CRAMP1: variants seen among roughly 807,000 people sequenced by gnomAD.
CRAMP1 encodes protein cramped-like.
A neutral mutation model predicts 115.4 loss-of-function variants in CRAMP1; 50 were observed. The observed-to-expected ratio is 0.43, with a 90% CI of 0.35 to 0.55. CRAMP1 has a LOEUF of 0.55. CRAMP1 is among the 20% of genes least tolerant of loss of function. The pLI is 0.01. For synonymous variants in CRAMP1, 866 were observed against 745.4 expected (o/e 1.16, Z -2.64); for missense variants, 1,679 against 1,721.7 (o/e 0.98, Z 0.44).
At chr16:1,628,243 G>A (rs1567448811) in intron 3 of CRAMP1, among the ~76,000 whole-genome samples, 1 of 152,208 alleles carries the variant, frequency 6.6e-6, no homozygotes, top group Admixed American at 6.5e-5. Context: ...GCGAGGGCAA[G>A]AGAAAGGACT....
At chr16:1,664,446 A>G (rs2036857333) in intron 13 of CRAMP1, among the ~76,000 whole-genome samples, 1 of 152,190 alleles carries the variant, frequency 6.6e-6, no homozygotes. Flanking sequence ...TTGTATAACT[A>G]GTTGCATTCC....
intron 6 of CRAMP1, among the ~76,000 whole-genome samples, chr16:1,642,945 C>A (rs930707575): frequency 6.6e-6 from 1 of 152,164 alleles, no homozygotes; most frequent in South Asian, 2.1e-4. Context: ...GCGCCATCCG[C>A]GGGAGAACTT....
In CRAMP1 at chr16:1,656,805, C is replaced by A; in HGVS notation, c.2048C>A (p.Ser683Tyr). 6.5e-7 allele frequency: 1 copy of A among 1,548,854 alleles called. No homozygotes were observed. The highest frequency in any genetic ancestry group is 1.2e-5 in the South Asian group (1 of 83,970). Residue 683 changes from serine to tyrosine, a missense_variant, in exon 10 of 21, where the codon TCC becomes TAC. Ser to Tyr is a moderately radical substitution (Grantham distance 144, BLOSUM62 -2). Coordinates refer to ENST00000397412, the MANE Select transcript of CRAMP1 (RefSeq NM_020825.4). This position sits in a 1 kb window ranked among gnomAD's most constrained non-coding sequence, Gnocchi z 5.6. ...LREEGWNLQTSESLTLAEVYL... is the reference protein window; with the variant it reads ...LREEGWNLQTYESLTLAEVYL... Reference sequence around the variant, plus strand: ...GAGGAGGGCTGGAACCTGCAGACCTCCGAAAGCCTCACGCTGGCCGAAGTC... The same window carrying A: ...GAGGAGGGCTGGAACCTGCAGACCTACGAAAGCCTCACGCTGGCCGAAGTC...
intron 4 of CRAMP1, among the ~76,000 whole-genome samples, chr16:1,637,303 A>G (rs1826430062): frequency 7.0e-6 from 1 of 142,330 alleles, no homozygotes; most frequent in African/African-American, 2.6e-5. Flanking sequence ...CCAAGAAAAG[A>G]AAAAAAAAAA....
chr16:1,653,793 C>A, intron 8 of CRAMP1, among the ~76,000 whole-genome samples: 1 of 147,538 alleles, frequency 6.8e-6, no homozygotes, highest in African/African-American at 2.5e-5. Flanking sequence ...TGCACTCCAG[C>A]CTGGGTGATA....
At position 1,669,490 on chromosome 16, in the gene CRAMP1, T is replaced by G. The variant is rs960715274; in HGVS notation, c.3499+325T>G. On this transcript the variant is annotated intron_variant, in intron 19 of 20. Transcript: ENST00000397412. The surrounding 1 kb of genome is among the most constrained non-coding windows in gnomAD (Gnocchi z 4.6). ...CAGTCTGTTCAGCTAGCCCGGCCCC[T>G]CCCGACTGGGTTCTCTTGAGGGGAG... 1.3e-5 allele frequency among the ~76,000 whole-genome samples: 2 copies of G among 152,154 alleles called. No individual in the cohort carries two copies. Among genetic ancestry groups the G allele is most frequent in the Non-Finnish European group, 2.9e-5 (2 of 68,028 alleles).
chr16:1,662,075 C>T (rs979726019), intron 11 of CRAMP1, among the ~76,000 whole-genome samples: 49 of 152,322 alleles, frequency 3.2e-4, no homozygotes, highest in African/African-American at 1.0e-3. Flanking sequence ...CTATTGTGCA[C>T]GGCTGAGTTG....
rs1014733161 is a variant in CRAMP1 at position 1,666,833 on chromosome 16, A to G, written c.3036+233A>G. Among the ~76,000 whole-genome samples the G allele has an allele frequency of 1.3e-5, 2 of 152,254 alleles. No individual in the cohort carries two copies. Among genetic ancestry groups the G allele is most frequent in the African/African-American group, 2.4e-5 (1 of 41,470 alleles). ...ATGTGGCACTGGAGAACTCAGAGCT[A>G]AGACGGTGTGGAAACATAGCTCCAT... is the stretch of plus-strand genomic sequence containing the variant. On this transcript the variant is annotated intron_variant, in intron 16 of 20. Coordinates refer to ENST00000397412, the MANE Select transcript of CRAMP1 (RefSeq NM_020825.4). This position sits in a 1 kb window ranked among gnomAD's most constrained non-coding sequence, Gnocchi z 5.0.
At chr16:1,630,339 A>T (rs370992924) in intron 3 of CRAMP1, among the ~76,000 whole-genome samples, 27 of 151,706 alleles carry the variant, frequency 1.8e-4, no homozygotes, top group African/African-American at 3.6e-4. Context: ...TTTTGTGGAG[A>T]TGGGGTTTCA....
intron 6 of CRAMP1, among the ~76,000 whole-genome samples, chr16:1,642,133 C>A (rs1425548917): frequency 1.3e-5 from 2 of 152,222 alleles, no homozygotes; most frequent in Non-Finnish European, 2.9e-5. Flanking sequence ...TGTGGGTATG[C>A]CACCCGCACC....
chr16:1,666,028 T>C lies in CRAMP1; in HGVS notation c.2753-45T>C, dbSNP rs2036872456. ...GCGGCCACATCCTGCTGTGAGGGCA[T>C]GGCGGGCGGGCTCGACATGTCTGCT... On this transcript the variant is annotated intron_variant, in intron 14 of 20. Coordinates refer to ENST00000397412, the MANE Select transcript of CRAMP1 (RefSeq NM_020825.4). This position sits in a 1 kb window ranked among gnomAD's most constrained non-coding sequence, Gnocchi z 5.0. 7.5e-7 allele frequency: 1 copy of C among 1,330,488 alleles called. No individual in the cohort carries two copies. 82.4% of individuals were successfully genotyped at this position (1,330,488 alleles called of 1,614,324 possible).
chr16:1,622,972 A>G (rs1406010877), intron 2 of CRAMP1, among the ~76,000 whole-genome samples: 1 of 151,672 alleles, frequency 6.6e-6, no homozygotes, highest in African/African-American at 2.4e-5. Context: ...CATTGGCCAG[A>G]CTGATCTCGA....
At chr16:1,635,704 CTTTTAAAGCATACAACTTA>C (rs926080396) in intron 4 of CRAMP1, among the ~76,000 whole-genome samples, 2 of 152,194 alleles carry the variant, frequency 1.3e-5, no homozygotes, top group Non-Finnish European at 2.9e-5. Flanking sequence ...ATTATTCACC[CTTTTAAAGCATACAACTTA>C]GTGGTTCTTA....
At position 1,656,455 on chromosome 16, in the gene CRAMP1, G is replaced by C. The variant is rs779490530; in HGVS notation, c.1698G>C (p.Lys566Asn). The change falls in exon 10 of 21, where the codon AAG (lysine) becomes AAC (asparagine). Residue 566 changes from lysine (K) to asparagine (N), a missense_variant. By Grantham distance (94) the Lys-to-Asn change is moderately conservative (BLOSUM62 0). This residue lies in a region of CRAMP1 where 405 missense variants were observed against 302.6 expected (regional missense o/e 1.34). Coordinates refer to ENST00000397412, the MANE Select transcript of CRAMP1 (RefSeq NM_020825.4). This position sits in a 1 kb window ranked among gnomAD's most constrained non-coding sequence, Gnocchi z 5.6. Reference sequence around the variant, plus strand: ...TAGACCCCTTGCCCCGCTACCTAAAGTCCTGTCAGGACCTCATTGTCCCCG... The same window carrying C: ...TAGACCCCTTGCCCCGCTACCTAAACTCCTGTCAGGACCTCATTGTCCCCG... The part of the protein sequence containing the change: ...SLLDPLPRYL[K>N]SCQDLIVPEQ... 3 of 1,582,222 alleles carry C rather than the reference G, an allele frequency of 1.9e-6. No individual in the cohort carries two copies. Among genetic ancestry groups the C allele is most frequent in the Non-Finnish European group, 2.6e-6 (3 of 1,164,922 alleles).
Position 1,656,559 on chromosome 16 carries a change from C to G in CRAMP1, c.1802C>G (p.Ala601Gly). 2 of 1,556,772 alleles carry G rather than the reference C, an allele frequency of 1.3e-6. No individual in the cohort carries two copies. Among genetic ancestry groups the G allele is most frequent in the Non-Finnish European group, 1.7e-6 (2 of 1,150,594 alleles). The change falls in exon 10 of 21, where the codon GCT becomes GGT. Residue 601 changes from alanine (A) to glycine (G), a missense_variant. Coordinates refer to ENST00000397412, the MANE Select transcript of CRAMP1 (RefSeq NM_020825.4). This position sits in a 1 kb window ranked among gnomAD's most constrained non-coding sequence, Gnocchi z 5.6. ...LGGAASPEVL[A>G]PVSKEAADLA... ...GGGGCGGCCTCCCCAGAGGTGCTGGCTCCTGTCAGCAAGGAGGCTGCTGAC... is the reference window on the plus strand; with the variant it reads ...GGGGCGGCCTCCCCAGAGGTGCTGGGTCCTGTCAGCAAGGAGGCTGCTGAC...
intron 4 of CRAMP1, among the ~76,000 whole-genome samples, chr16:1,636,784 C>T (rs1422026418): frequency 6.6e-6 from 1 of 152,222 alleles, no homozygotes; most frequent in Non-Finnish European, 1.5e-5. Context: ...AGGCTGGCGC[C>T]CAGGGCAGGC....
intron 9 of CRAMP1, among the ~76,000 whole-genome samples, chr16:1,655,507 C>G (rs946228308): frequency 6.6e-6 from 1 of 152,196 alleles, no homozygotes; most frequent in Non-Finnish European, 1.5e-5. Context: ...TGCTAGAACT[C>G]AGTCACAGCC....
chr16:1,670,616 C>T, intron 19 of CRAMP1, 48 bp from the exon 20 acceptor site: 3 of 1,605,394 alleles, frequency 1.9e-6, no homozygotes, highest in Non-Finnish European at 2.6e-6. Context: ...TGGACTGGTC[C>T]AGACCAAGCA....
At chr16:1,648,885 T>C (rs2036699024) in intron 6 of CRAMP1, among the ~76,000 whole-genome samples, 1 of 151,652 alleles carries the variant, frequency 6.6e-6, no homozygotes, top group South Asian at 2.1e-4. Flanking sequence ...GGTGAAACCC[T>C]GTCTCCACTA....
Sources: gnomAD v4.1 joint callset for allele counts (sites outside exome capture counted in the v4.1 genomes callset) on GRCh38, gnomAD v4.1.1 for gene constraint, gnomAD v4.1.1 regional missense constraint, Gnocchi (gnomAD v3.1) non-coding constraint, MANE v1.5 for transcripts, NCBI Gene and HGNC (gene_info 2026-07-23, HGNC 2026-07-21) for gene names.